Variants in TLE2 observed in about 807,000 individuals in gnomAD.
TLE2 encodes transducin-like enhancer protein 2.
TLE2 carries 74 observed loss-of-function variants against 97.2 expected under a neutral mutation model. That is an observed-to-expected ratio of 0.76 (90% CI 0.63 to 0.92). TLE2 has a LOEUF of 0.92. TLE2 is among the 40% of genes least tolerant of loss of function. The probability of loss-of-function intolerance (pLI) is 0.00; values close to 1 mark genes in which losing one functional copy is unlikely to be tolerated. For synonymous variants in TLE2, 499 were observed against 432.1 expected (o/e 1.15, Z -1.92); for missense variants, 1,038 against 1,008.7 (o/e 1.03, Z -0.39).
chr19:3,047,111 C>T (rs868820652), upstream of TLE2, among the ~76,000 whole-genome samples: 78 of 42,256 alleles, frequency 1.8e-3, no homozygotes, highest in Middle Eastern at 6.2e-3. Flanking sequence ...CTCCTCCTTC[C>T]CCTCTCCCCC....
intron 9 of TLE2, among the ~76,000 whole-genome samples, chr19:3,014,952 C>A (rs572687263): frequency 6.6e-6 from 1 of 151,262 alleles, no homozygotes; most frequent in African/African-American, 2.4e-5. Flanking sequence ...ATCCTTACCG[C>A]CTTCATAAAG....
chr19:3,029,565 G>A, upstream of TLE2: 2 of 742,544 alleles, frequency 2.7e-6, no homozygotes, highest in Non-Finnish European at 3.3e-6. Context: ...GAGCGGGGGG[G>A]GGGGCTTGCG....
intron 1 of TLE2, among the ~76,000 whole-genome samples, chr19:3,038,254 CTG>C (rs745935284): frequency 6.6e-6 from 1 of 152,192 alleles, no homozygotes; most frequent in Non-Finnish European, 1.5e-5. Context: ...GTCACCCAGT[CTG>C]GAGTGCAGTG....
At position 3,006,538 on chromosome 19, in the gene TLE2, C is replaced by A; in HGVS notation, c.1382G>T (p.Cys461Phe). 6.2e-7 allele frequency: 1 copy of A among 1,606,410 alleles called. No homozygotes were observed. The highest frequency in any genetic ancestry group is 2.2e-5 in the East Asian group (1 of 44,542). The change falls in exon 15 of 20, where the codon TGC becomes TTC. Residue 461 changes from cysteine to phenylalanine, a missense_variant. By Grantham distance (205) the Cys-to-Phe change is radical. Coordinates refer to ENST00000262953, the MANE Select transcript of TLE2 (RefSeq NM_003260.5). ...LHTLAHGEVVCAVTISGSTQH... is the reference protein window; with the variant it reads ...LHTLAHGEVVFAVTISGSTQH... Reference sequence around the variant, plus strand: ...TGTGGAGCCGCTGATGGTGACCGCGCAGACCACCTCGCCATGGGCCAGCGT... The same window carrying A: ...TGTGGAGCCGCTGATGGTGACCGCGAAGACCACCTCGCCATGGGCCAGCGT...
chr19:3,028,805 T>TGG lies in TLE2; in HGVS notation c.25-4_25-3dup, dbSNP rs751643972. ...GGGCTGGCCGGACTGGAGCGGGGTCTGGGGGGGGTGTGGGGGAAACGTCAG... is the reference window on the plus strand; with the variant it reads ...GGGCTGGCCGGACTGGAGCGGGGTCTGGGGGGGGGGTGTGGGGGAAACGTCAG... On this transcript the variant is annotated splice_region_variant and splice_polypyrimidine_tract_variant and intron_variant, in intron 1 of 19. Transcript: ENST00000262953. The TGG allele has an allele frequency of 1.6e-5, 21 of 1,328,960 alleles. No homozygotes were observed. In the South Asian group the frequency reaches 2.0e-4, roughly 13 times the overall value. 82.3% of individuals were successfully genotyped at this position (1,328,960 alleles called of 1,614,324 possible).
intron 14 of TLE2, among the ~76,000 whole-genome samples, chr19:3,008,455 CT>C (rs34168841): frequency 9.7e-4 from 139 of 143,332 alleles, no homozygotes; most frequent in Non-Finnish European, 9.3e-4. Flanking sequence ...TTTCTTTTTT[CT>C]TTTTTTTTTT....
chr19:3,021,403 C>CA (rs1003076338), intron 5 of TLE2, among the ~76,000 whole-genome samples: 30 of 141,508 alleles, frequency 2.1e-4, no homozygotes, highest in Middle Eastern at 3.5e-3. Flanking sequence ...GACTCAGTCT[C>CA]AAAAAAAAAA....
At position 3,028,866 on chromosome 19, in the gene TLE2, G is replaced by T; in HGVS notation, c.24+15C>A. ...CCCGGACACTGGGGGCCCCCTCCCC[G>T]CAGTCCGCACTCACCGGGTGCCTTC... On this transcript the variant is annotated intron_variant, in intron 1 of 19. Coordinates refer to ENST00000262953, the MANE Select transcript of TLE2 (RefSeq NM_003260.5). 1 of 1,611,654 alleles carries T rather than the reference G, an allele frequency of 6.2e-7. No homozygotes were observed. The highest frequency in any genetic ancestry group is 8.5e-7 in the Non-Finnish European group (1 of 1,179,788).
chr19:3,032,946 T>TTG (rs2090036666), upstream of TLE2, among the ~76,000 whole-genome samples: 1 of 151,690 alleles, frequency 6.6e-6, no homozygotes, highest in Non-Finnish European at 1.5e-5. This position sits in a 1 kb window ranked among gnomAD's most constrained non-coding sequence, Gnocchi z 4.1. Flanking sequence ...TGGTTGTTTT[T>TTG]TTTTTTTGAC....
intron 19 of TLE2, among the ~76,000 whole-genome samples, chr19:2,998,237 A>ATTGTG (rs1396605311): frequency 8.2e-6 from 1 of 121,406 alleles, no homozygotes; most frequent in African/African-American, 3.5e-5. Flanking sequence ...CGCCCGGCCA[A>ATTGTG]TGTGTGTGTG....
chr19:3,017,809 T>TAA, intron 8 of TLE2, 31 bp downstream of exon 8: 1 of 1,607,428 alleles, frequency 6.2e-7, no homozygotes, highest in African/African-American at 1.3e-5. Flanking sequence ...CCCAAGAATA[T>TAA]AAAAAGAGTC....
chr19:3,006,718 C>T (rs2089488169), intron 14 of TLE2, 49 bp from the exon 15 acceptor site: 1 of 1,534,602 alleles, frequency 6.5e-7, no homozygotes, highest in African/African-American at 1.4e-5. Flanking sequence ...CACGCCCCCG[C>T]ACCCGCACCT....
intron 1 of TLE2, among the ~76,000 whole-genome samples, chr19:3,035,403 C>T (rs2090054399): frequency 6.6e-6 from 1 of 152,110 alleles, no homozygotes; most frequent in African/African-American, 2.4e-5. Flanking sequence ...TCAGTTTCCC[C>T]AGCTGCACCA....
intron 1 of TLE2, among the ~76,000 whole-genome samples, chr19:3,039,225 C>A (rs8101205): frequency 0.088 from 9,157 of 103,754 alleles, 1,101 homozygotes; most frequent in African/African-American, 0.29. Context: ...TTCCCCACTC[C>A]AAAAAAAAAA....
intron 1 of TLE2, among the ~76,000 whole-genome samples, chr19:3,040,350 GT>G (rs147053625): frequency 7.3e-5 from 11 of 150,252 alleles, no homozygotes; most frequent in South Asian, 2.1e-4. Flanking sequence ...ACGTTTGTTT[GT>G]TTTTTTTTTA....
chr19:3,000,534 G>T, intron 19 of TLE2, 113 bp downstream of exon 19: 1 of 941,932 alleles, frequency 1.1e-6, no homozygotes, highest in Non-Finnish European at 1.6e-6. Flanking sequence ...CTGAGGAGGG[G>T]TTAGGGTGGC....
intron 8 of TLE2, among the ~76,000 whole-genome samples, chr19:3,017,193 G>A (rs578180826): frequency 1.3e-3 from 198 of 148,730 alleles, no homozygotes; most frequent in African/African-American, 4.3e-3. Flanking sequence ...GCTGGAGTGC[G>A]GTGGTGCAAT....
chr19:3,031,626 G>A (rs553288493), upstream of TLE2, among the ~76,000 whole-genome samples: 29 of 151,804 alleles, frequency 1.9e-4, no homozygotes, highest in Admixed American at 2.6e-4. Flanking sequence ...CACTGCACCC[G>A]GCCAGCCAGC....
upstream of TLE2, among the ~76,000 whole-genome samples, chr19:3,030,976 C>A (rs1306757693): frequency 6.8e-6 from 1 of 147,100 alleles, no homozygotes; most frequent in East Asian, 2.0e-4. Context: ...AAGCCCTTAT[C>A]AAATTTAAAG....
Sources: gnomAD v4.1 joint callset for allele counts (sites outside exome capture counted in the v4.1 genomes callset) on GRCh38, gnomAD v4.1.1 for gene constraint, Gnocchi (gnomAD v3.1) non-coding constraint, MANE v1.5 for transcripts, NCBI Gene and HGNC (gene_info 2026-07-23, HGNC 2026-07-21) for gene names.